The following JHY variants were observed in gnomAD, a reference collection of about 807,000 sequenced individuals.
JHY encodes junctional cadherin complex regulator.
JHY carries 69 observed loss-of-function variants against 78.0 expected under a neutral mutation model. That is an observed-to-expected ratio of 0.88 (90% CI 0.73 to 1.08). The LOEUF (loss-of-function observed/expected upper bound fraction) is 1.08, where lower values mean the gene tolerates loss of function less well. JHY is among the 50% of genes least tolerant of loss of function. The probability of loss-of-function intolerance (pLI) is 0.00; values close to 1 mark genes in which losing one functional copy is unlikely to be tolerated. For missense variants in JHY, 944 were observed against 927.8 expected, an observed-to-expected ratio of 1.02 and a Z score of -0.23; for synonymous variants, 368 against 342.6, an observed-to-expected ratio of 1.07 and a Z score of -0.82.
chr11:122,909,349 A>G (rs747733063), intron 3 of JHY, among the ~76,000 whole-genome samples: 4 of 152,322 alleles, frequency 2.6e-5, no homozygotes, highest in Middle Eastern at 3.4e-3. Flanking sequence ...CATAATGGCC[A>G]AGAGTATGGA....
chr11:122,910,568 A>G (rs1863095256), intron 3 of JHY, among the ~76,000 whole-genome samples: 1 of 152,144 alleles, frequency 6.6e-6, no homozygotes, highest in Non-Finnish European at 1.5e-5. Flanking sequence ...AAAGCAGTTA[A>G]TTGCAAGAGG....
intron 5 of JHY, among the ~76,000 whole-genome samples, chr11:122,942,682 C>T (rs542372618): frequency 5.3e-5 from 8 of 152,186 alleles, no homozygotes; most frequent in African/African-American, 1.9e-4. Context: ...CCTTGGCCTC[C>T]CAAAGTGCTC....
intron 2 of JHY, among the ~76,000 whole-genome samples, chr11:122,894,520 G>C (rs1331003680): frequency 6.6e-6 from 1 of 152,190 alleles, no homozygotes; most frequent in Non-Finnish European, 1.5e-5. Context: ...CGCTGAATGA[G>C]AGGAATTATG....
At chr11:122,927,580 C>T (rs948885329) in intron 4 of JHY, among the ~76,000 whole-genome samples, 22 of 152,136 alleles carry the variant, frequency 1.4e-4, no homozygotes, top group Non-Finnish European at 1.6e-4. Flanking sequence ...CAAGGGCCAC[C>T]TCTGCATGGA....
At chr11:122,894,832 C>T (rs917792056) in intron 2 of JHY, among the ~76,000 whole-genome samples, 5 of 152,056 alleles carry the variant, frequency 3.3e-5, no homozygotes, top group Admixed American at 2.0e-4. Context: ...AATAACAATC[C>T]GGCCTCTTTA....
intron 3 of JHY, among the ~76,000 whole-genome samples, chr11:122,921,523 C>G (rs1336625100): frequency 6.6e-6 from 1 of 152,182 alleles, no homozygotes; most frequent in East Asian, 1.9e-4. Flanking sequence ...TTCATTTCTC[C>G]TCCAAGATAG....
rs753636450 is a variant in JHY, at chr11:122,917,339, A to G, written c.865-7558A>G. 6.6e-6 allele frequency among the ~76,000 whole-genome samples: 1 copy of G among 152,236 alleles called. No homozygotes were observed. Among genetic ancestry groups the G allele is most frequent in the African/African-American group, 2.4e-5 (1 of 41,470 alleles). ...AGAAGGTGGATAGTGCTGTAGTTGT[A>G]TGTGGCTAGATTGTGAGGATGAGAA... On this transcript the variant is annotated intron_variant, in intron 3 of 8. Coordinates refer to ENST00000227349, the MANE Select transcript of JHY (RefSeq NM_024806.4). This position sits in a 1 kb window ranked among gnomAD's most constrained non-coding sequence, Gnocchi z 4.1.
rs113733119 is a variant in JHY at position 122,957,811 on chromosome 11, TCACA to T, written c.2139+338_2139+341del. On this transcript the variant is annotated intron_variant, in intron 8 of 8. Transcript: ENST00000227349. The stretch of plus-strand genomic sequence containing the variant: ...CAATGCAATAGTGACACACACACAG[TCACA>T]CACACACACACACACACTTTTGTAA... 9.1e-3 allele frequency among the ~76,000 whole-genome samples: 1,367 copies of T among 149,806 alleles called. 11 individuals are homozygous for T. The highest frequency in any genetic ancestry group is 0.014 in the Non-Finnish European group (956 of 67,432).
intron 2 of JHY, among the ~76,000 whole-genome samples, chr11:122,897,232 T>A (rs1439974912): frequency 6.6e-6 from 1 of 151,946 alleles, no homozygotes; most frequent in South Asian, 2.1e-4. Context: ...TTTAACTTTT[T>A]TATTTTTATT....
At chr11:122,939,755 A>G (rs1182471059) in intron 5 of JHY, among the ~76,000 whole-genome samples, 6 of 152,218 alleles carry the variant, frequency 3.9e-5, no homozygotes, top group Middle Eastern at 3.4e-3. Context: ...TTTTCTATCT[A>G]TTTACTGAAT....
chr11:122,936,638 G>T (rs1863762606), intron 5 of JHY, among the ~76,000 whole-genome samples: 1 of 152,052 alleles, frequency 6.6e-6, no homozygotes, highest in African/African-American at 2.4e-5. Flanking sequence ...TTAGTGTGAT[G>T]AAATATGTTA....
At chr11:122,909,441 C>A (rs2135316928) in intron 3 of JHY, among the ~76,000 whole-genome samples, 1 of 152,278 alleles carries the variant, frequency 6.6e-6, no homozygotes, top group Middle Eastern at 3.4e-3. Context: ...GTGCCTCAGT[C>A]TCCTCATCTT....
In JHY at chr11:122,917,696, A is replaced by G. The variant is rs1863260949; in HGVS notation, c.865-7201A>G. On this transcript the variant is annotated intron_variant, in intron 3 of 8. Coordinates refer to ENST00000227349, the MANE Select transcript of JHY (RefSeq NM_024806.4). This position sits in a 1 kb window ranked among gnomAD's most constrained non-coding sequence, Gnocchi z 4.1. ...TTAGTAGTGGAGCAATTTCAGTGCA[A>G]TGTGTGAGCTTTGTGATTTTTTTGT... Among the ~76,000 whole-genome samples the G allele has an allele frequency of 6.6e-6, 1 of 152,146 alleles. No individual in the cohort carries two copies. Among genetic ancestry groups the G allele is most frequent in the Non-Finnish European group, 1.5e-5 (1 of 68,032 alleles).
chr11:122,926,437 A>G (rs1863508659), intron 4 of JHY, among the ~76,000 whole-genome samples: 1 of 151,764 alleles, frequency 6.6e-6, no homozygotes, highest in Non-Finnish European at 1.5e-5. Context: ...GAGAGGTTAG[A>G]AAGAAGGGAC....
chr11:122,946,462 TA>T, intron 5 of JHY, 35 bp from the exon 6 acceptor site: 1 of 1,536,078 alleles, frequency 6.5e-7, no homozygotes, highest in Non-Finnish European at 8.7e-7. Context: ...ATTTGGATTT[TA>T]TTAATAGATT....
chr11:122,885,155 A>G (rs532103046), intron 1 of JHY, among the ~76,000 whole-genome samples: 1 of 151,984 alleles, frequency 6.6e-6, no homozygotes, highest in Non-Finnish European at 1.5e-5. Flanking sequence ...GTTGATCTCC[A>G]TTTATGTCCA....
chr11:122,903,901 G>A lies in JHY; in HGVS notation c.345-24G>A, dbSNP rs146452579. On this transcript the variant is annotated intron_variant, in intron 2 of 8. Coordinates refer to ENST00000227349, the MANE Select transcript of JHY (RefSeq NM_024806.4). ...TGAATTTATTTCAACTAAGGACTTG[G>A]CATTTCTCTTCTGCTTTGGGCAGGC... 17 of 1,535,332 alleles carry A rather than the reference G, an allele frequency of 1.1e-5. No homozygotes were observed. The African/African-American group carries it at 2.2e-4, about 20-fold the overall frequency.
In JHY at chr11:122,946,769, C is replaced by T. The variant is rs1320119605; in HGVS notation, c.1906C>T (p.His636Tyr). The change falls in exon 6 of 9, where the codon CAT (histidine) becomes TAT (tyrosine). Residue 636 changes from histidine (H) to tyrosine (Y), a missense_variant. Physicochemically the swap from His to Tyr is moderately conservative, Grantham distance 83 (BLOSUM62 2). Transcript: ENST00000227349. Reference sequence around the variant, plus strand: ...GTTTCAACTGGAAAAGGGAAAAAAGCATAAGAAAAGAAGCAGCAGTAAGGT... The same window carrying T: ...GTTTCAACTGGAAAAGGGAAAAAAGTATAAGAAAAGAAGCAGCAGTAAGGT... ...YLFQLEKGKKHKKRSSSKNTK... is the reference protein window; with the variant it reads ...YLFQLEKGKKYKKRSSSKNTK... 1 of 1,611,998 alleles carries T rather than the reference C, an allele frequency of 6.2e-7. No homozygotes were observed. Among genetic ancestry groups the T allele is most frequent in the African/African-American group, 1.3e-5 (1 of 74,698 alleles).
chr11:122,907,908 A>G (rs151178453), intron 3 of JHY, among the ~76,000 whole-genome samples: 173 of 151,842 alleles, frequency 1.1e-3, no homozygotes, highest in African/African-American at 4.1e-3. Flanking sequence ...AACCTGAGCA[A>G]CAGTTTTTCT....
Sources: gnomAD v4.1 joint callset for allele counts (sites outside exome capture counted in the v4.1 genomes callset) on GRCh38, gnomAD v4.1.1 for gene constraint, Gnocchi (gnomAD v3.1) non-coding constraint, MANE v1.5 for transcripts, NCBI Gene and HGNC (gene_info 2026-07-23, HGNC 2026-07-21) for gene names.